IQSEC1: variants seen among roughly 807,000 people sequenced by gnomAD.
The protein encoded by IQSEC1 is IQ motif and Sec7 domain ArfGEF 1.
Under a neutral mutation model 91.0 loss-of-function variants are expected in IQSEC1, and 31 were observed. The ratio of observed to expected loss-of-function variants is 0.34; its 90% CI spans 0.26 to 0.46. IQSEC1 has a LOEUF of 0.46. Ranked by LOEUF, IQSEC1 falls within the 20% of genes least tolerant of loss-of-function variation. The probability of loss-of-function intolerance (pLI) is 1.00; values close to 1 mark genes in which losing one functional copy is unlikely to be tolerated. For synonymous variants in IQSEC1, 699 were observed against 662.6 expected, an observed-to-expected ratio of 1.05 and a Z score of -0.84; for missense variants, 1,388 against 1,575.6, an observed-to-expected ratio of 0.88 and a Z score of 2.02.
chr3:13,149,480 CAG>C (rs1283219514), intron 2 of IQSEC1, among the ~76,000 whole-genome samples: 1 of 152,066 alleles, frequency 6.6e-6, no homozygotes, highest in African/African-American at 2.4e-5. Flanking sequence ...CCCCGAAGAG[CAG>C]AGTCTTGAAG....
At chr3:13,277,420 C>A (rs1264474684) in intron 1 of IQSEC1, among the ~76,000 whole-genome samples, 1 of 152,230 alleles carries the variant, frequency 6.6e-6, no homozygotes, top group African/African-American at 2.4e-5. Context: ...TCGCTGTCTT[C>A]CTCAGCTCGA....
chr3:13,045,587 G>C (rs957121267), intron 1 of IQSEC1, among the ~76,000 whole-genome samples: 1 of 152,172 alleles, frequency 6.6e-6, no homozygotes, highest in Admixed American at 6.5e-5. Flanking sequence ...AAGTGGGCAG[G>C]AGCACGGAAC....
chr3:13,127,828 T>G (rs1327406350), intron 2 of IQSEC1, among the ~76,000 whole-genome samples: 1 of 152,234 alleles, frequency 6.6e-6, no homozygotes, highest in African/African-American at 2.4e-5. Flanking sequence ...TTCATCTGCA[T>G]GTTTACATAT....
intron 1 of IQSEC1, among the ~76,000 whole-genome samples, chr3:12,985,500 C>G (rs528165326): frequency 9.9e-4 from 150 of 152,164 alleles, no homozygotes; most frequent in African/African-American, 3.2e-3. Context: ...TCCCCCCCCC[C>G]CCGCCAACCG....
intron 1 of IQSEC1, among the ~76,000 whole-genome samples, chr3:13,267,142 T>A (rs1158244209): frequency 6.6e-6 from 1 of 152,098 alleles, no homozygotes; most frequent in Non-Finnish European, 1.5e-5. Context: ...TTGGGATAAG[T>A]GCTTTATAAA....
intron 2 of IQSEC1, among the ~76,000 whole-genome samples, chr3:13,126,928 C>A (rs890982309): frequency 1.3e-5 from 2 of 151,986 alleles, no homozygotes; most frequent in African/African-American, 2.4e-5. Flanking sequence ...CTATTTTTTT[C>A]CTAAAAGTTT....
chr3:13,158,199 C>T (rs1024775825), intron 2 of IQSEC1, among the ~76,000 whole-genome samples: 32 of 152,324 alleles, frequency 2.1e-4, no homozygotes, highest in African/African-American at 7.7e-4. Context: ...GGCTGGATAG[C>T]GGCAGAGGGA....
At chr3:13,208,279 C>T (rs1039558474) in intron 1 of IQSEC1, among the ~76,000 whole-genome samples, 3 of 151,718 alleles carry the variant, frequency 2.0e-5, no homozygotes, top group African/African-American at 7.3e-5. Context: ...GCCTTTGGTG[C>T]CTCCCACTCT....
At chr3:13,225,628 A>C (rs1419886320) in intron 1 of IQSEC1, among the ~76,000 whole-genome samples, 1 of 152,224 alleles carries the variant, frequency 6.6e-6, no homozygotes, top group African/African-American at 2.4e-5. Context: ...GAAGAAAATA[A>C]AGAATAGATC....
At chr3:13,007,832 T>G (rs1320131072) in intron 1 of IQSEC1, among the ~76,000 whole-genome samples, 1 of 152,164 alleles carries the variant, frequency 6.6e-6, no homozygotes, top group Non-Finnish European at 1.5e-5. Context: ...CATCCCTCCC[T>G]GTCTCTGGGG....
intron 2 of IQSEC1, among the ~76,000 whole-genome samples, chr3:13,128,612 T>C (rs1051218656): frequency 1.3e-5 from 2 of 152,182 alleles, no homozygotes; most frequent in Non-Finnish European, 2.9e-5. Flanking sequence ...ACGCCTGTAA[T>C]CCCAGCACTT....
At chr3:13,088,553 C>T (rs1705780405) in intron 2 of IQSEC1, among the ~76,000 whole-genome samples, 1 of 152,070 alleles carries the variant, frequency 6.6e-6, no homozygotes, top group South Asian at 2.1e-4. Flanking sequence ...CCCTCCCTAC[C>T]CTCCTTGATT....
chr3:13,272,551 G>A (rs1445644745), intron 1 of IQSEC1, among the ~76,000 whole-genome samples: 2 of 152,198 alleles, frequency 1.3e-5, no homozygotes, highest in African/African-American at 4.8e-5. Flanking sequence ...TAGGTGCCAG[G>A]GAGGGCAAGC....
At chr3:13,146,733 G>A (rs375928531) in intron 2 of IQSEC1, among the ~76,000 whole-genome samples, 1 of 152,296 alleles carries the variant, frequency 6.6e-6, no homozygotes, top group Middle Eastern at 3.4e-3. Flanking sequence ...TCAGCTACTC[G>A]AGAGGCTGAG....
chr3:13,231,212 C>A (rs1325659851), intron 1 of IQSEC1, among the ~76,000 whole-genome samples: 1 of 152,136 alleles, frequency 6.6e-6, no homozygotes, highest in Non-Finnish European at 1.5e-5. Flanking sequence ...TTTGGAAATC[C>A]ATGCAGAGTT....
chr3:13,230,396 T>C (rs1694822563), intron 1 of IQSEC1, among the ~76,000 whole-genome samples: 1 of 152,164 alleles, frequency 6.6e-6, no homozygotes, highest in East Asian at 1.9e-4. Context: ...TCCCCAGGTG[T>C]TTTTCTGCTA....
chr3:13,039,436 C>T (rs1472475180), intron 1 of IQSEC1, among the ~76,000 whole-genome samples: 1 of 152,238 alleles, frequency 6.6e-6, no homozygotes, highest in African/African-American at 2.4e-5. Context: ...CAAAACACCC[C>T]TTTCATACTC....
intron 2 of IQSEC1, among the ~76,000 whole-genome samples, chr3:13,131,067 G>GGAAGGAAGGAAGGAAGGAAGGAA (rs1559261253): frequency 3.7e-5 from 3 of 80,460 alleles, no homozygotes; most frequent in Admixed American, 1.1e-4. Context: ...GAAGGAAGGA[G>GGAAGGAAGGAAGGAAGGAAGGAA]GGAGGGAAGG....
chr3:13,162,120 C>T (rs1707190145), intron 2 of IQSEC1, among the ~76,000 whole-genome samples: 1 of 152,222 alleles, frequency 6.6e-6, no homozygotes, highest in Admixed American at 6.5e-5. Flanking sequence ...ATTCACTCTA[C>T]ATGTTCACTA....
Sources: gnomAD v4.1 joint callset for allele counts (sites outside exome capture counted in the v4.1 genomes callset) on GRCh38, gnomAD v4.1.1 for gene constraint, MANE v1.5 for transcripts, NCBI Gene and HGNC (gene_info 2026-07-23, HGNC 2026-07-21) for gene names.